The following IL1RAPL1 variants were observed in gnomAD, a reference collection of about 807,000 sequenced individuals.
IL1RAPL1 encodes interleukin 1 receptor accessory protein like 1.
A neutral mutation model predicts 48.4 loss-of-function variants in IL1RAPL1; 3 were observed. That is an observed-to-expected ratio of 0.06 (90% CI 0.03 to 0.16). The LOEUF (loss-of-function observed/expected upper bound fraction) is 0.16. IL1RAPL1 is among the 10% of genes least tolerant of loss of function. The probability of loss-of-function intolerance (pLI) is 1.00; values close to 1 mark genes in which losing one functional copy is unlikely to be tolerated. For missense variants in IL1RAPL1, 349 were observed against 530.6 expected (o/e 0.66, Z 3.36); for synonymous variants, 185 against 187.7 (o/e 0.99, Z 0.12).
rs187186556 is a variant in IL1RAPL1 at position 29,810,833 on chromosome X, T to C, written c.779-106631T>C. The stretch of plus-strand genomic sequence containing the variant: ...ATTATATTTTTCTTTCTAAGACTTA[T>C]AGAGTTTTTTATTTCCAAGTCTGCT... On this transcript the variant is annotated intron_variant, in intron 6 of 10. Coordinates refer to ENST00000378993, the MANE Select transcript of IL1RAPL1 (RefSeq NM_014271.4). 4.1e-3 allele frequency among the ~76,000 whole-genome samples: 455 copies of C among 112,174 alleles called. 4 individuals carry two copies. Among genetic ancestry groups the C allele is most frequent in the African/African-American group, 0.014 (442 of 30,968 alleles).
intron 3 of IL1RAPL1, among the ~76,000 whole-genome samples, chrX:29,318,981 T>C (rs1488466561): frequency 9.0e-6 from 1 of 111,702 alleles, no homozygotes; most frequent in Non-Finnish European, 1.9e-5. Context: ...TGGTCAATTA[T>C]AAAAGAAAAG....
At chrX:29,460,396 T>C (rs1446265551) in intron 5 of IL1RAPL1, among the ~76,000 whole-genome samples, 1 of 112,103 alleles carries the variant, frequency 8.9e-6, no homozygotes, top group Non-Finnish European at 1.9e-5. Flanking sequence ...CGACCCATCA[T>C]ATTGATCTGT....
chrX:29,417,192 T>C (rs66753229), intron 5 of IL1RAPL1, among the ~76,000 whole-genome samples: 9,580 of 111,627 alleles, frequency 0.086, 557 homozygotes, highest in African/African-American at 0.21. Flanking sequence ...AACCAAGAGG[T>C]AACTCTTAAC....
chrX:29,885,714 G>T (rs1932146424), intron 6 of IL1RAPL1, among the ~76,000 whole-genome samples: 1 of 111,579 alleles, frequency 9.0e-6, no homozygotes, highest in African/African-American at 3.3e-5. Flanking sequence ...AGCTACTCGG[G>T]AAGCTGAGGC....
intron 5 of IL1RAPL1, among the ~76,000 whole-genome samples, chrX:29,489,468 A>T (rs1439713078): frequency 8.9e-6 from 1 of 112,177 alleles, no homozygotes; most frequent in African/African-American, 3.2e-5. Context: ...TAAAAATGTC[A>T]TACACAAAAA....
At chrX:29,798,525 T>C (rs1289919246) in intron 6 of IL1RAPL1, among the ~76,000 whole-genome samples, 2 of 111,876 alleles carry the variant, frequency 1.8e-5, no homozygotes, top group Non-Finnish European at 1.9e-5. Flanking sequence ...CCAAGTTCCA[T>C]AGTAAGCATC....
chrX:28,595,322 T>G (rs1253978453), intron 1 of IL1RAPL1, among the ~76,000 whole-genome samples: 2 of 112,642 alleles, frequency 1.8e-5, no homozygotes, highest in Non-Finnish European at 1.9e-5. Flanking sequence ...TACATGATTT[T>G]TGTTGAAATG....
At chrX:29,584,276 A>G (rs5927843) in intron 5 of IL1RAPL1, among the ~76,000 whole-genome samples, 33,317 of 110,005 alleles carry the variant, frequency 0.3, 3,737 homozygotes, top group South Asian at 0.47. Flanking sequence ...CCCATCATCA[A>G]TTTTCTCTTC....
chrX:29,226,745 T>A (rs62586227), intron 2 of IL1RAPL1, among the ~76,000 whole-genome samples: 44,726 of 109,012 alleles, frequency 0.41, 9,127 homozygotes, highest in Non-Finnish European at 0.62. Context: ...ATTCGTCCAT[T>A]TTTAACAGAT....
intron 3 of IL1RAPL1, among the ~76,000 whole-genome samples, chrX:29,394,311 CT>C (rs1362235780): frequency 6.3e-5 from 7 of 111,252 alleles, no homozygotes; most frequent in African/African-American, 2.0e-4. Context: ...TCAGAAAAAC[CT>C]TTCTAAGATC....
intron 1 of IL1RAPL1, among the ~76,000 whole-genome samples, chrX:28,589,708 G>C (rs1409165702): frequency 9.0e-6 from 1 of 111,507 alleles, no homozygotes; most frequent in Non-Finnish European, 1.9e-5. Flanking sequence ...CATTTTTCCT[G>C]GTAGAGCTTG....
rs1191565162 is a variant in IL1RAPL1 at position 28,587,838 on chromosome X, C to T, written c.-234C>T. 1 of 109,865 alleles carries T rather than the reference C, an allele frequency of 9.1e-6. No individual in the cohort carries two copies. Among genetic ancestry groups the T allele is most frequent in the African/African-American group, 3.3e-5 (1 of 30,134 alleles). 9.1% of individuals were successfully genotyped at this position (109,865 alleles called of 1,213,427 possible). A position where few individuals can be genotyped will look rare whatever the true frequency, so the allele number is the denominator to read the frequency against. On this transcript the variant is annotated 5_prime_UTR_variant, in exon 1 of 11. Transcript: ENST00000378993. Reference sequence around the variant, plus strand: ...ACTTTGAGAACTAACTGGAGACAGTCTTGTAGGGAAGATCTGTATGGAATT... The same window carrying T: ...ACTTTGAGAACTAACTGGAGACAGTTTTGTAGGGAAGATCTGTATGGAATT...
chrX:28,701,192 C>T (rs190336952), intron 1 of IL1RAPL1, among the ~76,000 whole-genome samples: 17 of 111,485 alleles, frequency 1.5e-4, no homozygotes, highest in Admixed American at 5.7e-4. Context: ...CGTTCAACCT[C>T]TACTCTTAAG....
At chrX:28,853,204 G>T (rs962853176) in intron 2 of IL1RAPL1, among the ~76,000 whole-genome samples, 5 of 111,658 alleles carry the variant, frequency 4.5e-5, no homozygotes, top group Non-Finnish European at 9.4e-5. Context: ...CAACTTCAAT[G>T]CAATTGCATA....
intron 3 of IL1RAPL1, among the ~76,000 whole-genome samples, chrX:29,336,189 G>A (rs867455547): frequency 2.1e-5 from 2 of 94,087 alleles, no homozygotes; most frequent in African/African-American, 3.8e-5. Context: ...AGGTGTGTGT[G>A]TATATATATA....
chrX:29,836,163 T>A (rs1930996061), intron 6 of IL1RAPL1, among the ~76,000 whole-genome samples: 1 of 100,425 alleles, frequency 1.0e-5, no homozygotes, highest in African/African-American at 3.5e-5. Context: ...GCCCATAGAT[T>A]TTGGTATGTT....
At chrX:29,278,979 T>C (rs1355322697) in intron 2 of IL1RAPL1, among the ~76,000 whole-genome samples, 2 of 112,445 alleles carry the variant, frequency 1.8e-5, no homozygotes, top group African/African-American at 3.2e-5. Context: ...TTTCAGCTGG[T>C]TTAGAAACAA....
At chrX:28,811,473 T>C (rs986684789) in intron 2 of IL1RAPL1, among the ~76,000 whole-genome samples, 1 of 109,993 alleles carries the variant, frequency 9.1e-6, no homozygotes, top group Non-Finnish European at 1.9e-5. Context: ...AAGCTGAGGG[T>C]TGTTGAAGTT....
Position 28,673,308 on chromosome X carries a change from A to G in IL1RAPL1, c.-25+85261A>G, listed in dbSNP as rs1934964918. Among the ~76,000 whole-genome samples, 3 of 112,003 alleles carry G rather than the reference A, an allele frequency of 2.7e-5. No individual in the cohort carries two copies. The South Asian group carries it at 1.1e-3, about 41-fold the overall frequency. ...GGCTAGCCACATGCAGAAGATTGAAACTGGACCCCTTCCTTACACCATATA... is the reference window on the plus strand; with the variant it reads ...GGCTAGCCACATGCAGAAGATTGAAGCTGGACCCCTTCCTTACACCATATA... On this transcript the variant is annotated intron_variant, in intron 1 of 10. Transcript: ENST00000378993.
Sources: gnomAD v4.1 joint callset for allele counts (sites outside exome capture counted in the v4.1 genomes callset) on GRCh38, gnomAD v4.1.1 for gene constraint, MANE v1.5 for transcripts, NCBI Gene and HGNC (gene_info 2026-07-23, HGNC 2026-07-21) for gene names.